TRPM3: variants seen among roughly 807,000 people sequenced by gnomAD.
TRPM3 encodes long transient receptor potential channel 3.
A neutral mutation model predicts 181.2 loss-of-function variants in TRPM3; 77 were observed. That is an observed-to-expected ratio of 0.42 (90% CI 0.35 to 0.51). The LOEUF (loss-of-function observed/expected upper bound fraction) is 0.51. Among genes scored for constraint, TRPM3 ranks in the 20% least tolerant of loss-of-function variants. The pLI is 0.01. For synonymous variants in TRPM3, 745 were observed against 796.4 expected (o/e 0.94, Z 1.09); for missense variants, 1,759 against 2,196.7 (o/e 0.80, Z 3.98).
chr9:70,847,667 A>G (rs1341147851), intron 3 of TRPM3, among the ~76,000 whole-genome samples: 2 of 118,452 alleles, frequency 1.7e-5, no homozygotes, highest in Non-Finnish European at 3.7e-5. Flanking sequence ...AAAAAATTAA[A>G]TAAGCCTGAT....
At chr9:71,092,669 GC>G (rs2066420488) in intron 1 of TRPM3, among the ~76,000 whole-genome samples, 1 of 152,068 alleles carries the variant, frequency 6.6e-6, no homozygotes, top group Non-Finnish European at 1.5e-5. Flanking sequence ...GATTCCTTAA[GC>G]CCAACATGGC....
chr9:71,320,500 T>C (rs1409326514), intron 1 of TRPM3, among the ~76,000 whole-genome samples: 3 of 152,050 alleles, frequency 2.0e-5, no homozygotes, highest in Non-Finnish European at 4.4e-5. Context: ...TTAATCAGTA[T>C]TCTGTACACT....
At chr9:71,359,356 G>T (rs2092045335) in intron 1 of TRPM3, among the ~76,000 whole-genome samples, 2 of 152,214 alleles carry the variant, frequency 1.3e-5, no homozygotes, top group Admixed American at 1.3e-4. Context: ...ACCAAGTATG[G>T]CTGCATCCAT....
At chr9:71,243,096 C>T (rs891844745) in intron 1 of TRPM3, among the ~76,000 whole-genome samples, 1 of 152,164 alleles carries the variant, frequency 6.6e-6, no homozygotes. Flanking sequence ...GGCTAGAGTA[C>T]AGTGGCATGA....
rs1430801570 is a variant in TRPM3, at chr9:70,532,758, A to C, written c.*3195T>G. ...AAGCTATTACTTCCTTGAGCTCTCTATGACTTTATTTACGGTCCTCAGTAA... is the reference window on the plus strand; with the variant it reads ...AAGCTATTACTTCCTTGAGCTCTCTCTGACTTTATTTACGGTCCTCAGTAA... On this transcript the variant is annotated 3_prime_UTR_variant, in exon 26 of 26. Coordinates refer to ENST00000677713, the MANE Select transcript of TRPM3 (RefSeq NM_001366145.2). 1 of 152,120 alleles carries C rather than the reference A, an allele frequency of 6.6e-6. No individual in the cohort carries two copies. Among genetic ancestry groups the C allele is most frequent in the Non-Finnish European group, 1.5e-5 (1 of 68,024 alleles). The allele number at this position is 152,120 out of a possible 1,614,324, so 9.4% of individuals were successfully genotyped here. A position where few individuals can be genotyped will look rare whatever the true frequency, so the allele number is the denominator to read the frequency against.
At chr9:71,006,616 T>C (rs1308098825) in intron 1 of TRPM3, among the ~76,000 whole-genome samples, 1 of 152,148 alleles carries the variant, frequency 6.6e-6, no homozygotes, top group East Asian at 1.9e-4. Flanking sequence ...ACGCCTGTAA[T>C]CTCAGCACTT....
At chr9:70,906,718 C>A (rs542824676) in intron 1 of TRPM3, among the ~76,000 whole-genome samples, 1 of 152,126 alleles carries the variant, frequency 6.6e-6, no homozygotes, top group Non-Finnish European at 1.5e-5. Context: ...GCCTGGCCAA[C>A]GTGGTGAAAC....
chr9:70,654,203 G>C (rs2059969345), intron 9 of TRPM3, among the ~76,000 whole-genome samples: 1 of 151,922 alleles, frequency 6.6e-6, no homozygotes, highest in Non-Finnish European at 1.5e-5. Flanking sequence ...GTGTGCATTT[G>C]TGTGAGGAAC....
At chr9:70,975,061 G>A (rs1386656475) in intron 1 of TRPM3, among the ~76,000 whole-genome samples, 1 of 151,710 alleles carries the variant, frequency 6.6e-6, no homozygotes, top group Admixed American at 6.6e-5. Flanking sequence ...TGGAGACAAG[G>A]TTTCAGCATG....
At chr9:70,953,352 C>G (rs2097026023) in intron 1 of TRPM3, among the ~76,000 whole-genome samples, 2 of 152,004 alleles carry the variant, frequency 1.3e-5, no homozygotes, top group Admixed American at 1.3e-4. Context: ...ACCAGTCAGC[C>G]TTAGGGGAAG....
intron 1 of TRPM3, among the ~76,000 whole-genome samples, chr9:71,062,059 A>G (rs1004992849): frequency 1.3e-5 from 2 of 152,118 alleles, no homozygotes; most frequent in Non-Finnish European, 2.9e-5. Flanking sequence ...TAGCCTCTGC[A>G]GTTGCTATAC....
chr9:70,904,414 A>G (rs931256746), intron 1 of TRPM3, among the ~76,000 whole-genome samples: 2 of 152,174 alleles, frequency 1.3e-5, no homozygotes, highest in African/African-American at 4.8e-5. Context: ...ACTTTCTCTA[A>G]TTCACTGCCT....
intron 1 of TRPM3, among the ~76,000 whole-genome samples, chr9:71,422,317 C>CACATTTTCTAT (rs1278648166): frequency 6.6e-6 from 1 of 152,012 alleles, no homozygotes; most frequent in Non-Finnish European, 1.5e-5. Context: ...GAAAATGTGA[C>CACATTTTCTAT]ACATTATCTA....
rs73647959 is a variant in TRPM3 at position 71,182,451 on chromosome 9, C to T, written c.183+264202G>A. Among the ~76,000 whole-genome samples, 1,486 of 152,118 alleles carry T rather than the reference C, an allele frequency of 9.8e-3. 32 individuals are homozygous for T. The highest frequency in any genetic ancestry group is 0.035 in the African/African-American group (1,435 of 41,528). On this transcript the variant is annotated intron_variant, in intron 1 of 24. Transcript: ENST00000357533. ...ATGAGTGTACATGGCCAAGCAAAAC[C>T]TGACAATTTCCTTTTCTTCCCCCTT...
chr9:71,075,665 T>C lies in TRPM3; in HGVS notation c.177+45513A>G, dbSNP rs76956650. Among the ~76,000 whole-genome samples the C allele has an allele frequency of 4.9e-3, 748 of 152,306 alleles. 4 individuals carry two copies. The highest frequency in any genetic ancestry group is 0.014 in the Middle Eastern group (4 of 294). On this transcript the variant is annotated intron_variant, in intron 1 of 25. Coordinates refer to ENST00000677713, the MANE Select transcript of TRPM3 (RefSeq NM_001366145.2). ...TAATGAGCAGCTTGTGAGTCATAAGTAAATCACAAACAATAGATACCTGGG... is the reference window on the plus strand; with the variant it reads ...TAATGAGCAGCTTGTGAGTCATAAGCAAATCACAAACAATAGATACCTGGG...
intron 1 of TRPM3, among the ~76,000 whole-genome samples, chr9:71,305,640 G>C (rs1336615475): frequency 1.3e-5 from 2 of 152,064 alleles, no homozygotes; most frequent in Non-Finnish European, 2.9e-5. Flanking sequence ...AATTTAATGG[G>C]CTCCAGTGTA....
intron 1 of TRPM3, among the ~76,000 whole-genome samples, chr9:71,316,563 G>C (rs1588454241): frequency 6.6e-6 from 1 of 152,108 alleles, no homozygotes; most frequent in Non-Finnish European, 1.5e-5. Flanking sequence ...AAAAGTGAGA[G>C]AGGTCACCAA....
At chr9:71,068,904 A>G (rs1464595310) in intron 1 of TRPM3, among the ~76,000 whole-genome samples, 1 of 152,208 alleles carries the variant, frequency 6.6e-6, no homozygotes, top group Non-Finnish European at 1.5e-5. Flanking sequence ...ATGGTGGTAT[A>G]ATATGATCCA....
At chr9:71,421,477 T>C (rs986462341) in intron 1 of TRPM3, among the ~76,000 whole-genome samples, 23 of 151,884 alleles carry the variant, frequency 1.5e-4, no homozygotes, top group African/African-American at 4.8e-4. Flanking sequence ...GGAAAGAAAA[T>C]GTTCCTGCCT....
Sources: allele counts gnomAD v4.1 joint callset (sites outside exome capture counted in the v4.1 genomes callset), GRCh38; gene constraint gnomAD v4.1.1; transcripts MANE v1.5; gene names NCBI Gene and HGNC (gene_info 2026-07-23, HGNC 2026-07-21).